ZFHX3: variants seen among roughly 807,000 people sequenced by gnomAD.
The protein encoded by ZFHX3 is zinc finger homeobox protein 3.
In ZFHX3, 42 loss-of-function variants were observed where a neutral mutation model predicts 279.1. The observed-to-expected ratio is 0.15, with a 90% CI of 0.12 to 0.19. ZFHX3 has a LOEUF of 0.19. Ranked by LOEUF, ZFHX3 falls within the 10% of genes least tolerant of loss-of-function variation. ZFHX3 has a pLI of 1.00. For synonymous variants in ZFHX3, 2,293 were observed against 1,957.8 expected (o/e 1.17, Z -4.52); for missense variants, 4,981 against 4,754.0 (o/e 1.05, Z -1.40).
chr16:73,082,425 G>C (rs1473977564), intron 8 of ZFHX3, among the ~76,000 whole-genome samples: 1 of 151,792 alleles, frequency 6.6e-6, no homozygotes, highest in Non-Finnish European at 1.5e-5. Context: ...CCGCTACCAC[G>C]CCCGGCTAAT....
At chr16:72,827,055 G>T (rs1206942743) in intron 5 of ZFHX3, among the ~76,000 whole-genome samples, 1 of 152,228 alleles carries the variant, frequency 6.6e-6, no homozygotes, top group Non-Finnish European at 1.5e-5. Flanking sequence ...AGCACATAGA[G>T]TAGGGACTTT....
intron 3 of ZFHX3, among the ~76,000 whole-genome samples, chr16:73,331,369 G>A (rs892467574): frequency 6.7e-4 from 102 of 152,316 alleles, no homozygotes; most frequent in Middle Eastern, 3.4e-3. Flanking sequence ...AGCATTTGTA[G>A]AAAGGGCATC....
intron 3 of ZFHX3, among the ~76,000 whole-genome samples, chr16:73,403,455 C>T (rs530062932): frequency 1.2e-4 from 18 of 152,124 alleles, no homozygotes; most frequent in Non-Finnish European, 2.6e-4. Flanking sequence ...GGCGCAGGAG[C>T]GTCTGCGGGC....
upstream of ZFHX3, among the ~76,000 whole-genome samples, chr16:73,062,838 G>A (rs138406190): frequency 1.6e-3 from 247 of 152,362 alleles, 2 homozygotes; most frequent in Middle Eastern, 0.034. Flanking sequence ...TGAAGAATGT[G>A]CGAGTCCCTT....
intron 2 of ZFHX3, among the ~76,000 whole-genome samples, chr16:73,481,540 C>T (rs77236601): frequency 6.9e-6 from 1 of 145,468 alleles, no homozygotes; most frequent in African/African-American, 2.6e-5. Flanking sequence ...CTCAGGTGAT[C>T]CCCCCTACCC....
intron 2 of ZFHX3, among the ~76,000 whole-genome samples, chr16:73,514,024 A>G (rs2019478912): frequency 6.6e-6 from 1 of 152,204 alleles, no homozygotes; most frequent in Non-Finnish European, 1.5e-5. Context: ...CAAGGCAGTC[A>G]GATCCCAATG....
chr16:72,934,370 C>G lies in ZFHX3; in HGVS notation c.3216+16099G>C, dbSNP rs117823355. Reference sequence around the variant, plus strand: ...TTGAACCCGGGAGGCGAAGCTTGCACTGAGCTGAGATCACACCATTGCATT... The same window carrying G: ...TTGAACCCGGGAGGCGAAGCTTGCAGTGAGCTGAGATCACACCATTGCATT... On this transcript the variant is annotated intron_variant, in intron 3 of 9. Coordinates refer to ENST00000268489, the MANE Select transcript of ZFHX3 (RefSeq NM_006885.4). 1.0e-2 allele frequency among the ~76,000 whole-genome samples: 1,521 copies of G among 152,264 alleles called. 12 individuals carry two copies. The highest frequency in any genetic ancestry group is 0.015 in the Non-Finnish European group (1,020 of 68,006).
At chr16:73,162,192 G>A (rs1967253574) in intron 5 of ZFHX3, among the ~76,000 whole-genome samples, 1 of 152,222 alleles carries the variant, frequency 6.6e-6, no homozygotes, top group Non-Finnish European at 1.5e-5. Context: ...AGGTTCGTCT[G>A]TATTTACAGC....
intron 4 of ZFHX3, among the ~76,000 whole-genome samples, chr16:72,881,143 C>G (rs943691465): frequency 6.6e-6 from 1 of 152,212 alleles, no homozygotes; most frequent in African/African-American, 2.4e-5. Flanking sequence ...TCCAACAGAA[C>G]CTTCTGAACT....
chr16:73,521,868 G>A (rs2019613445), intron 2 of ZFHX3, among the ~76,000 whole-genome samples: 1 of 151,992 alleles, frequency 6.6e-6, no homozygotes, highest in Non-Finnish European at 1.5e-5. Context: ...AATGAAAGTA[G>A]CAATTTCCAG....
At chr16:73,715,846 A>G (rs2053409530) in intron 1 of ZFHX3, among the ~76,000 whole-genome samples, 1 of 152,078 alleles carries the variant, frequency 6.6e-6, no homozygotes, top group South Asian at 2.1e-4. Context: ...TGCTGGGATT[A>G]CAGGCATGAG....
intron 7 of ZFHX3, among the ~76,000 whole-genome samples, chr16:72,801,339 T>C (rs1224260607): frequency 6.6e-6 from 1 of 152,200 alleles, no homozygotes; most frequent in African/African-American, 2.4e-5. Context: ...TTGGAATACG[T>C]AGATTTCTGT....
chr16:73,520,871 C>T (rs1265597512), intron 2 of ZFHX3, among the ~76,000 whole-genome samples: 2 of 152,122 alleles, frequency 1.3e-5, no homozygotes, highest in Non-Finnish European at 2.9e-5. Flanking sequence ...AGAGATCATT[C>T]TACACCAAAG....
intron 1 of ZFHX3, among the ~76,000 whole-genome samples, chr16:73,022,845 T>C (rs1445909571): frequency 6.6e-6 from 1 of 151,956 alleles, no homozygotes; most frequent in Non-Finnish European, 1.5e-5. Flanking sequence ...GGTTTTGCCC[T>C]GAAGACCCAA....
intron 1 of ZFHX3, among the ~76,000 whole-genome samples, chr16:73,750,039 T>C (rs114942901): frequency 2.3e-3 from 351 of 152,244 alleles, no homozygotes; most frequent in African/African-American, 7.6e-3. Flanking sequence ...CATTCACCCA[T>C]CCATCCAATG....
chr16:73,523,409 C>T (rs919936655), intron 2 of ZFHX3, among the ~76,000 whole-genome samples: 2 of 152,148 alleles, frequency 1.3e-5, no homozygotes, highest in African/African-American at 4.8e-5. Flanking sequence ...TGTGATGTGC[C>T]TGCCACCCTA....
chr16:73,806,449 A>G (rs74028492), intron 1 of ZFHX3, among the ~76,000 whole-genome samples: 2,528 of 152,266 alleles, frequency 0.017, 76 homozygotes, highest in African/African-American at 0.057. Flanking sequence ...TCACGGCTTT[A>G]GCTCCGCTGA....
intron 1 of ZFHX3, among the ~76,000 whole-genome samples, chr16:73,791,693 G>T (rs1959830071): frequency 1.3e-5 from 2 of 152,200 alleles, no homozygotes; most frequent in African/African-American, 4.8e-5. Context: ...AAAGTGCTGG[G>T]ATTACAGGCG....
intron 4 of ZFHX3, among the ~76,000 whole-genome samples, chr16:73,283,517 A>T (rs980754470): frequency 2.6e-5 from 4 of 151,984 alleles, no homozygotes; most frequent in African/African-American, 9.7e-5. Context: ...TACTGGGGGG[A>T]CTATCAACTA....
Sources: gnomAD v4.1 joint callset for allele counts (sites outside exome capture counted in the v4.1 genomes callset) on GRCh38, gnomAD v4.1.1 for gene constraint, MANE v1.5 for transcripts, NCBI Gene and HGNC (gene_info 2026-07-23, HGNC 2026-07-21) for gene names.